The following HAT1 variants were observed in gnomAD, a reference collection of about 807,000 sequenced individuals.
HAT1 encodes histone acetyltransferase 1, also known as histone acetyltransferase type B catalytic subunit.
In HAT1, 20 loss-of-function variants were observed where a neutral mutation model predicts 56.6. The ratio of observed to expected loss-of-function variants is 0.35; its 90% CI spans 0.25 to 0.51. The LOEUF is 0.51. Among genes scored for constraint, HAT1 ranks in the 20% least tolerant of loss-of-function variants. The pLI, the probability that HAT1 is intolerant of heterozygous loss-of-function variation, is 0.95. For synonymous variants in HAT1, 146 were observed against 165.5 expected (o/e 0.88, Z 0.91); for missense variants, 408 against 504.3 (o/e 0.81, Z 1.83).
chr2:171,931,626 A>T (rs2105966152), intron 2 of HAT1, among the ~76,000 whole-genome samples: 1 of 151,828 alleles, frequency 6.6e-6, no homozygotes, highest in East Asian at 1.9e-4. Flanking sequence ...GTGAGCCGAG[A>T]TTGTGCCACT....
rs140455167 is a variant in HAT1 at position 171,952,844 on chromosome 2, A to G, written c.189-37A>G. 2,247 of 1,507,720 alleles carry G rather than the reference A, an allele frequency of 1.5e-3. 23 individuals are homozygous for G. The highest frequency in any genetic ancestry group is 7.9e-3 in the East Asian group (336 of 42,692). 93.4% of individuals were successfully genotyped at this position (1,507,720 alleles called of 1,614,324 possible). The stretch of plus-strand genomic sequence containing the variant: ...GGGTTAATACTTTTTAATGACTGCA[A>G]AAATTCATTCCATTATTGCTATTTT... On this transcript the variant is annotated intron_variant, in intron 3 of 10. Coordinates refer to ENST00000264108, the MANE Select transcript of HAT1 (RefSeq NM_003642.4).
At position 171,947,349 on chromosome 2, in the gene HAT1, G is replaced by A. The variant is rs574255381; in HGVS notation, c.188+566G>A. Among the ~76,000 whole-genome samples the A allele has an allele frequency of 2.0e-5, 3 of 152,066 alleles. No individual in the cohort carries two copies. The East Asian group carries it at 5.8e-4, about 29-fold the overall frequency. On this transcript the variant is annotated intron_variant, in intron 3 of 10. Transcript: ENST00000264108. ...AGCTCACTGCAGCCTGAACCTCCTG[G>A]GCATAAGCAGTCCTCCCACCTGAGC... is the stretch of plus-strand genomic sequence containing the variant.
intron 2 of HAT1, among the ~76,000 whole-genome samples, chr2:171,927,817 C>G (rs1217676610): frequency 6.6e-6 from 1 of 151,970 alleles, no homozygotes; most frequent in Non-Finnish European, 1.5e-5. Flanking sequence ...TCAAACTGAC[C>G]AAGTGATCCA....
chr2:171,925,393 A>G (rs1449630353), intron 1 of HAT1, 144 bp from the exon 2 acceptor site: 1 of 538,280 alleles, frequency 1.9e-6, no homozygotes, highest in Non-Finnish European at 3.3e-6. Flanking sequence ...CATTTATTTA[A>G]GAGTATGTGG....
chr2:171,976,334 CAG>C (rs773197985), intron 9 of HAT1, 26 bp downstream of exon 9: 3 of 1,422,712 alleles, frequency 2.1e-6, no homozygotes, highest in Non-Finnish European at 2.9e-6. Context: ...AGGAGGAAAA[CAG>C]ATTTAAATTA....
intron 3 of HAT1, 130 bp downstream of exon 3, chr2:171,946,913 T>C (rs1687181316): frequency 3.6e-6 from 2 of 561,010 alleles, no homozygotes; most frequent in African/African-American, 3.9e-5. Context: ...AAATATATGT[T>C]ATAATGGTGT....
At chr2:171,930,743 T>C (rs1378656121) in intron 2 of HAT1, among the ~76,000 whole-genome samples, 1 of 151,910 alleles carries the variant, frequency 6.6e-6, no homozygotes, top group Non-Finnish European at 1.5e-5. Context: ...GCCTCCTGAA[T>C]AGCTGGGACT....
At chr2:171,980,495 C>A (rs1688105399) in intron 10 of HAT1, 1 of 152,060 alleles carries the variant, frequency 6.6e-6, no homozygotes, top group Non-Finnish European at 1.5e-5. Context: ...CCTCCTAGAT[C>A]AAATTGGCCT....
At chr2:171,976,128 G>A (rs754262130) in intron 8 of HAT1, 29 bp from the exon 9 acceptor site, 2 of 1,406,234 alleles carry the variant, frequency 1.4e-6, no homozygotes, top group South Asian at 1.5e-5. Context: ...TCAGGGAAAT[G>A]TTAATATTAT....
intron 9 of HAT1, among the ~76,000 whole-genome samples, chr2:171,978,597 A>G (rs1688048930): frequency 6.6e-6 from 1 of 151,856 alleles, no homozygotes; most frequent in Non-Finnish European, 1.5e-5. Flanking sequence ...TTCCTCTCAT[A>G]TGTTTCTAGA....
intron 3 of HAT1, among the ~76,000 whole-genome samples, chr2:171,951,483 A>G (rs1687306527): frequency 6.6e-6 from 1 of 151,764 alleles, no homozygotes; most frequent in Non-Finnish European, 1.5e-5. Context: ...GCAGTGGCGC[A>G]ATCTCAGCTC....
chr2:171,937,537 A>G (rs184132192), intron 2 of HAT1, among the ~76,000 whole-genome samples: 1 of 152,330 alleles, frequency 6.6e-6, no homozygotes, highest in East Asian at 1.9e-4. Flanking sequence ...GAAAATGCCT[A>G]TATCTAAGGG....
At chr2:171,951,586 T>TG (rs2105323865) in intron 3 of HAT1, among the ~76,000 whole-genome samples, 1 of 88,066 alleles carries the variant, frequency 1.1e-5, no homozygotes, top group Admixed American at 1.2e-4. Flanking sequence ...CACCTGCCTA[T>TG]TTTTTTTTTT....
chr2:171,951,773 C>T (rs148129757), intron 3 of HAT1, among the ~76,000 whole-genome samples: 5 of 151,972 alleles, frequency 3.3e-5, no homozygotes, highest in South Asian at 2.1e-4. Context: ...CACTGTTTTG[C>T]GTAATATCAC....
chr2:171,936,887 A>C (rs1476033505), intron 2 of HAT1, among the ~76,000 whole-genome samples: 3 of 152,218 alleles, frequency 2.0e-5, no homozygotes, highest in Non-Finnish European at 4.4e-5. Context: ...GGGGGCCAGA[A>C]TCCATTTATG....
intron 4 of HAT1, among the ~76,000 whole-genome samples, chr2:171,963,579 T>TAG (rs1303332431): frequency 2.0e-5 from 3 of 152,228 alleles, no homozygotes; most frequent in African/African-American, 7.2e-5. Flanking sequence ...AAAGTGATTT[T>TAG]TAAACTGATA....
At chr2:171,940,345 C>G (rs1686988006) in intron 2 of HAT1, among the ~76,000 whole-genome samples, 1 of 152,144 alleles carries the variant, frequency 6.6e-6, no homozygotes, top group Non-Finnish European at 1.5e-5. Flanking sequence ...GATTGTGCAC[C>G]ATGGTGACTC....
intron 4 of HAT1, among the ~76,000 whole-genome samples, chr2:171,954,913 G>A (rs2105327009): frequency 6.6e-6 from 1 of 152,352 alleles, no homozygotes; most frequent in South Asian, 2.1e-4. Context: ...CTTGATGACA[G>A]AAAAGGAGAA....
At chr2:171,969,626 T>G (rs1393114110) in intron 8 of HAT1, among the ~76,000 whole-genome samples, 3 of 152,206 alleles carry the variant, frequency 2.0e-5, no homozygotes, top group Non-Finnish European at 4.4e-5. Context: ...CATTTCAGAC[T>G]GACACTTTCA....
Sources: gnomAD v4.1 joint callset for allele counts (sites outside exome capture counted in the v4.1 genomes callset) on GRCh38, gnomAD v4.1.1 for gene constraint, MANE v1.5 for transcripts, NCBI Gene and HGNC (gene_info 2026-07-23, HGNC 2026-07-21) for gene names.